The following MYO3B variants were observed in gnomAD, a reference collection of about 807,000 sequenced individuals.
The protein encoded by MYO3B is myosin IIIB.
A neutral mutation model predicts 174.6 loss-of-function variants in MYO3B; 156 were observed. That is an observed-to-expected ratio of 0.89 (90% CI 0.78 to 1.02). The LOEUF (loss-of-function observed/expected upper bound fraction) is 1.02. Ranked by LOEUF, MYO3B falls within the 50% of genes least tolerant of loss-of-function variation. The pLI is 0.00. For synonymous variants in MYO3B, 563 were observed against 569.1 expected (o/e 0.99, Z 0.15); for missense variants, 1,632 against 1,639.4 (o/e 1.00, Z 0.08).
chr2:170,265,830 GCA>G (rs1160736378), intron 7 of MYO3B, among the ~76,000 whole-genome samples: 3 of 151,982 alleles, frequency 2.0e-5, no homozygotes, highest in Non-Finnish European at 4.4e-5. Flanking sequence ...ATTTACAAAA[GCA>G]CAGAGTATGC....
intron 22 of MYO3B, among the ~76,000 whole-genome samples, chr2:170,439,800 C>T (rs1002655537): frequency 6.6e-6 from 1 of 152,194 alleles, no homozygotes; most frequent in African/African-American, 2.4e-5. Flanking sequence ...CCTGCCTCAG[C>T]CTCCCGAGTA....
intron 25 of MYO3B, among the ~76,000 whole-genome samples, chr2:170,472,048 C>G (rs1004748397): frequency 6.7e-6 from 1 of 149,778 alleles, no homozygotes; most frequent in Non-Finnish European, 1.5e-5. Context: ...GGGTTTATTT[C>G]TGGACTCTCT....
chr2:170,555,318 G>A (rs916027600), intron 32 of MYO3B, among the ~76,000 whole-genome samples: 7 of 152,018 alleles, frequency 4.6e-5, no homozygotes, highest in African/African-American at 9.7e-5. Context: ...TGTGCTGTAC[G>A]TTCTGTGAGC....
intron 1 of MYO3B, among the ~76,000 whole-genome samples, chr2:170,185,508 T>G (rs1216721948): frequency 6.6e-6 from 1 of 152,210 alleles, no homozygotes; most frequent in Non-Finnish European, 1.5e-5. Context: ...TCTATATAAC[T>G]GTTTTTATGC....
intron 25 of MYO3B, among the ~76,000 whole-genome samples, chr2:170,469,065 G>A (rs896945929): frequency 2.0e-5 from 3 of 152,156 alleles, no homozygotes; most frequent in African/African-American, 7.2e-5. Context: ...GAACCCAGGA[G>A]GCGGAGGTTG....
At chr2:170,620,982 G>A (rs780704683) in intron 32 of MYO3B, among the ~76,000 whole-genome samples, 25 of 151,870 alleles carry the variant, frequency 1.6e-4, no homozygotes, top group South Asian at 8.4e-4. Flanking sequence ...TCCGCCTCCC[G>A]GGTTCAAGCG....
At chr2:170,214,563 A>G (rs949023437) in intron 4 of MYO3B, 80 bp downstream of exon 4, 1 of 1,431,352 alleles carries the variant, frequency 7.0e-7, no homozygotes, top group Admixed American at 1.7e-5. Flanking sequence ...CATATTAACA[A>G]TGGGGAAACT....
chr2:170,337,650 A>G (rs2093954333), intron 8 of MYO3B, among the ~76,000 whole-genome samples: 1 of 152,194 alleles, frequency 6.6e-6, no homozygotes, highest in Admixed American at 6.5e-5. Context: ...GAAGTCAAAA[A>G]TTGCCTATAA....
At chr2:170,608,714 T>G (rs796431975) in intron 32 of MYO3B, among the ~76,000 whole-genome samples, 4 of 152,194 alleles carry the variant, frequency 2.6e-5, no homozygotes, top group African/African-American at 9.6e-5. Context: ...AGAGTATGTG[T>G]GTGTGTGTTT....
rs1270718582 is a variant in MYO3B at position 170,466,675 on chromosome 2, A to G, written c.2978A>G (p.Tyr993Cys). ...ACAGTCAGCATCCGCCGCCAGGGCTATTCCCACCGCATCCTTTTTGAAGAA... is the reference window on the plus strand; with the variant it reads ...ACAGTCAGCATCCGCCGCCAGGGCTGTTCCCACCGCATCCTTTTTGAAGAA... ...LETVSIRRQGYSHRILFEEFV... is the reference protein window; with the variant it reads ...LETVSIRRQGCSHRILFEEFV... Residue 993 changes from tyrosine (Y) to cysteine (C), a missense_variant, in exon 25 of 35, where the codon TAT becomes TGT. Physicochemically the swap from Tyr to Cys is radical, Grantham distance 194. Coordinates refer to ENST00000408978, the MANE Select transcript of MYO3B (RefSeq NM_138995.5). 2 of 1,614,028 alleles carry G rather than the reference A, an allele frequency of 1.2e-6. No homozygotes were observed. Among genetic ancestry groups the G allele is most frequent in the Non-Finnish European group, 1.7e-6 (2 of 1,179,996 alleles).
chr2:170,406,267 T>C (rs2094508650), intron 21 of MYO3B, among the ~76,000 whole-genome samples: 1 of 152,172 alleles, frequency 6.6e-6, no homozygotes, highest in East Asian at 1.9e-4. Context: ...GGCTGATTGG[T>C]TCCTCTGGGC....
At chr2:170,594,660 C>T (rs1336165836) in intron 32 of MYO3B, among the ~76,000 whole-genome samples, 1 of 152,148 alleles carries the variant, frequency 6.6e-6, no homozygotes, top group Non-Finnish European at 1.5e-5. Flanking sequence ...CACCCAGTAG[C>T]AGATGTGTTG....
chr2:170,270,472 C>G, intron 7 of MYO3B, among the ~76,000 whole-genome samples: 1 of 152,164 alleles, frequency 6.6e-6, no homozygotes, highest in East Asian at 1.9e-4. Context: ...AGACTCTGGA[C>G]GCAGCTGGCT....
In MYO3B at chr2:170,416,396, C is replaced by T. The variant is rs113204140; in HGVS notation, c.2650+8552C>T. On this transcript the variant is annotated intron_variant, in intron 22 of 34. Transcript: ENST00000408978. Reference sequence around the variant, plus strand: ...AAAATTAGCCAGGCGTGGTGGTGCACGCCTGCAATCCCAGCTACTTGGGAG... The same window carrying T: ...AAAATTAGCCAGGCGTGGTGGTGCATGCCTGCAATCCCAGCTACTTGGGAG... Among the ~76,000 whole-genome samples, 1,163 of 151,920 alleles carry T rather than the reference C, an allele frequency of 7.7e-3. 23 individuals carry two copies. The highest frequency in any genetic ancestry group is 0.026 in the African/African-American group (1,085 of 41,486).
chr2:170,229,305 G>A (rs529935449), intron 6 of MYO3B, among the ~76,000 whole-genome samples: 11 of 152,308 alleles, frequency 7.2e-5, no homozygotes, highest in South Asian at 4.1e-4. Flanking sequence ...CTCAAGGTCA[G>A]CCAAGGATTA....
intron 7 of MYO3B, among the ~76,000 whole-genome samples, chr2:170,301,463 G>A (rs1249183359): frequency 6.6e-6 from 1 of 151,948 alleles, no homozygotes. Flanking sequence ...ACATTTCTGG[G>A]CACAAAACAT....
At chr2:170,309,708 T>C (rs2093724929) in intron 7 of MYO3B, among the ~76,000 whole-genome samples, 1 of 148,224 alleles carries the variant, frequency 6.7e-6, no homozygotes, top group Non-Finnish European at 1.5e-5. Flanking sequence ...AAATGAATTT[T>C]CTGTAGACAT....
chr2:170,428,379 T>A (rs1203550884), intron 22 of MYO3B, among the ~76,000 whole-genome samples: 1 of 152,258 alleles, frequency 6.6e-6, no homozygotes, highest in Admixed American at 6.5e-5. Context: ...TTTATTTTGT[T>A]CTTTCTTATT....
At chr2:170,456,429 G>T (rs2105939715) in intron 23 of MYO3B, among the ~76,000 whole-genome samples, 1 of 152,222 alleles carries the variant, frequency 6.6e-6, no homozygotes, top group East Asian at 1.9e-4. Flanking sequence ...CTTCATCCTG[G>T]GCTATGGGAG....
Sources: allele counts gnomAD v4.1 joint callset (sites outside exome capture counted in the v4.1 genomes callset), GRCh38; gene constraint gnomAD v4.1.1; transcripts MANE v1.5; gene names NCBI Gene and HGNC (gene_info 2026-07-23, HGNC 2026-07-21).